GRIK2: variants seen among roughly 807,000 people sequenced by gnomAD.
GRIK2 encodes the protein glutamate ionotropic receptor kainate type subunit 2.
Under a neutral mutation model 100.3 loss-of-function variants are expected in GRIK2, and 32 were observed. That is an observed-to-expected ratio of 0.32 (90% CI 0.24 to 0.43). The LOEUF (loss-of-function observed/expected upper bound fraction) is 0.43. Among genes scored for constraint, GRIK2 ranks in the 20% least tolerant of loss-of-function variants. GRIK2 has a pLI of 1.00. For synonymous variants in GRIK2, 417 were observed against 389.4 expected, an observed-to-expected ratio of 1.07 and a Z score of -0.83; for missense variants, 843 against 1,114.9, an observed-to-expected ratio of 0.76 and a Z score of 3.47.
chr6:101,925,666 T>G (rs1789841406), intron 13 of GRIK2, among the ~76,000 whole-genome samples: 1 of 151,988 alleles, frequency 6.6e-6, no homozygotes, highest in Non-Finnish European at 1.5e-5. Flanking sequence ...AAAAACATAT[T>G]TCTTCATAAG....
rs1269213010 is a variant in GRIK2 at position 102,035,711 on chromosome 6, G to C, written c.2311+145G>C. Reference sequence around the variant, plus strand: ...TACCTCTCTGATTGTATAAAAGCAGGTTATCATTTTGGACATATTCTTCTG... The same window carrying C: ...TACCTCTCTGATTGTATAAAAGCAGCTTATCATTTTGGACATATTCTTCTG... On this transcript the variant is annotated intron_variant, in intron 15 of 16. Coordinates refer to ENST00000369134, the MANE Select transcript of GRIK2 (RefSeq NM_021956.5). 1.6e-5 allele frequency: 9 copies of C among 560,684 alleles called. No individual in the cohort carries two copies. The East Asian group carries it at 2.5e-4, about 16-fold the overall frequency. The allele number at this position is 560,684 out of a possible 1,614,324, so 34.7% of individuals were successfully genotyped here.
At chr6:102,025,541 A>G (rs1050741108) in intron 14 of GRIK2, among the ~76,000 whole-genome samples, 3 of 151,282 alleles carry the variant, frequency 2.0e-5, no homozygotes, top group Non-Finnish European at 3.0e-5. Flanking sequence ...AGCGAGGCAC[A>G]TGGATATGCA....
chr6:101,627,895 A>G (rs1184153698), intron 4 of GRIK2, among the ~76,000 whole-genome samples: 1 of 152,196 alleles, frequency 6.6e-6, no homozygotes, highest in Non-Finnish European at 1.5e-5. Flanking sequence ...GAGAAATACA[A>G]TAAAGTAACA....
chr6:101,522,446 T>C (rs1225506931), intron 2 of GRIK2, among the ~76,000 whole-genome samples: 1 of 152,196 alleles, frequency 6.6e-6, no homozygotes, highest in Non-Finnish European at 1.5e-5. Context: ...GACATGTCTG[T>C]CTGTCATGAA....
intron 2 of GRIK2, among the ~76,000 whole-genome samples, chr6:101,474,632 C>G (rs1299704956): frequency 6.6e-6 from 1 of 151,608 alleles, no homozygotes; most frequent in African/African-American, 2.4e-5. Context: ...AATCCAAGGC[C>G]CTTATCCTTT....
intron 11 of GRIK2, among the ~76,000 whole-genome samples, chr6:101,876,950 T>C (rs1785893919): frequency 6.6e-6 from 1 of 151,952 alleles, no homozygotes; most frequent in Non-Finnish European, 1.5e-5. Context: ...TATGTTATGG[T>C]TTGTCATAAC....
intron 9 of GRIK2, among the ~76,000 whole-genome samples, chr6:101,812,418 A>G (rs1268186776): frequency 6.6e-6 from 1 of 151,940 alleles, no homozygotes; most frequent in Non-Finnish European, 1.5e-5. Context: ...TAAAAATGAA[A>G]TATAATTTGG....
At chr6:101,431,158 G>A in intron 2 of GRIK2, 1 of 236,234 alleles carries the variant, frequency 4.2e-6, no homozygotes, top group Non-Finnish European at 9.2e-6. Flanking sequence ...AGCACTGGGT[G>A]CTCCTCAGGA....
intron 7 of GRIK2, among the ~76,000 whole-genome samples, chr6:101,737,800 T>C (rs945327148): frequency 6.6e-6 from 1 of 152,236 alleles, no homozygotes. Flanking sequence ...AGTGATTTTT[T>C]ATAGGCTTTT....
chr6:101,940,010 A>G (rs1790861543), intron 14 of GRIK2, among the ~76,000 whole-genome samples: 1 of 152,132 alleles, frequency 6.6e-6, no homozygotes, highest in Non-Finnish European at 1.5e-5. Flanking sequence ...GTTGTGTTGA[A>G]GGAAGTGTTG....
intron 2 of GRIK2, among the ~76,000 whole-genome samples, chr6:101,468,814 T>C (rs1210229726): frequency 6.6e-6 from 1 of 152,162 alleles, no homozygotes; most frequent in African/African-American, 2.4e-5. Flanking sequence ...AACTTCAATA[T>C]ATGTTATAAG....
At position 101,579,226 on chromosome 6, in the gene GRIK2, A is replaced by G. The variant is rs1396472073; in HGVS notation, c.116-42723A>G. Among the ~76,000 whole-genome samples, 3 of 152,132 alleles carry G rather than the reference A, an allele frequency of 2.0e-5. No homozygotes were observed. The East Asian group carries it at 5.8e-4, about 29-fold the overall frequency. Reference sequence around the variant, plus strand: ...ACTGAGAGTCAAAGAAATGAAGTATATATTCCCATGGTCATGAACTTAGAA... The same window carrying G: ...ACTGAGAGTCAAAGAAATGAAGTATGTATTCCCATGGTCATGAACTTAGAA... On this transcript the variant is annotated intron_variant, in intron 2 of 16. Coordinates refer to ENST00000369134, the MANE Select transcript of GRIK2 (RefSeq NM_021956.5).
At chr6:101,950,796 T>A (rs1415134785) in intron 14 of GRIK2, among the ~76,000 whole-genome samples, 1 of 152,120 alleles carries the variant, frequency 6.6e-6, no homozygotes, top group African/African-American at 2.4e-5. Flanking sequence ...GGAAACACAT[T>A]CCACTGGATT....
intron 2 of GRIK2, among the ~76,000 whole-genome samples, chr6:101,596,525 T>C (rs549687150): frequency 1.3e-5 from 2 of 151,816 alleles, no homozygotes; most frequent in East Asian, 2.0e-4. Context: ...ATAGTCAAAA[T>C]GGGAAGCATA....
At chr6:101,890,518 G>A (rs1358867967) in intron 12 of GRIK2, 2 of 152,096 alleles carry the variant, frequency 1.3e-5, no homozygotes, top group African/African-American at 4.8e-5. Context: ...TTGCCTTGAG[G>A]TCAGGGGTTT....
At chr6:101,816,998 T>C (rs1454766830) in intron 9 of GRIK2, among the ~76,000 whole-genome samples, 2 of 152,188 alleles carry the variant, frequency 1.3e-5, no homozygotes, top group African/African-American at 4.8e-5. Flanking sequence ...ACTACGGCCC[T>C]GTACATTATC....
chr6:101,637,532 T>C (rs908798181), intron 4 of GRIK2, among the ~76,000 whole-genome samples: 4 of 152,154 alleles, frequency 2.6e-5, no homozygotes, highest in African/African-American at 7.2e-5. Flanking sequence ...TCCTAGCTTC[T>C]ATCCCTGTCT....
rs1780817346 is a variant in GRIK2, at chr6:101,632,659, T to C, written c.541+6022T>C. On this transcript the variant is annotated intron_variant, in intron 4 of 16. Transcript: ENST00000369134. ...ATATATATGTGAGTATATACATATA[T>C]ATGTATTCTTATTTGAGCAATTATT... 1.1e-4 allele frequency among the ~76,000 whole-genome samples: 16 copies of C among 152,132 alleles called. No individual in the cohort carries two copies. In the South Asian group the frequency reaches 3.3e-3, roughly 32 times the overall value.
intron 12 of GRIK2, among the ~76,000 whole-genome samples, chr6:101,922,889 T>A (rs1562489341): frequency 6.6e-6 from 1 of 152,172 alleles, no homozygotes; most frequent in Non-Finnish European, 1.5e-5. Context: ...GGAAATACTT[T>A]AAAAAACGTG....
Sources: gnomAD v4.1 joint callset for allele counts (sites outside exome capture counted in the v4.1 genomes callset) on GRCh38, gnomAD v4.1.1 for gene constraint, MANE v1.5 for transcripts, NCBI Gene and HGNC (gene_info 2026-07-23, HGNC 2026-07-21) for gene names.